The following ZNF90 variants were observed in gnomAD, a reference collection of about 807,000 sequenced individuals.
ZNF90 encodes the protein zinc finger protein 90.
Under a neutral mutation model 12.0 loss-of-function variants are expected in ZNF90, and 11 were observed. The observed-to-expected ratio is 0.92, with a 90% confidence interval of 0.58 to 1.52. The LOEUF (loss-of-function observed/expected upper bound fraction) is 1.52, where lower values mean the gene tolerates loss of function less well. Among genes scored for constraint, ZNF90 ranks in the 40% most tolerant of loss-of-function variants. The pLI, the probability that ZNF90 is intolerant of heterozygous loss-of-function variation, is 0.00. For synonymous variants in ZNF90, 232 were observed against 240.1 expected, an observed-to-expected ratio of 0.97 and a Z score of 0.31; for missense variants, 765 against 711.5, an observed-to-expected ratio of 1.08 and a Z score of -0.86.
At chr19:20,082,015 C>T (rs2088824196) in intron 1 of ZNF90, among the ~76,000 whole-genome samples, 3 of 152,098 alleles carry the variant, frequency 2.0e-5, no homozygotes, top group Middle Eastern at 3.4e-3. Flanking sequence ...CCACCCGCCT[C>T]GGCCTCCTAA....
Position 20,118,060 on chromosome 19 carries a change from G to GA in ZNF90, c.513dup (p.Pro172ThrfsTer21), listed in dbSNP as rs782729171. ...AACAGACATAAGATAAGAGATACTGGAAAAAAACCTTTCAAATGTATAGAA... is the reference window on the plus strand; with the variant it reads ...AACAGACATAAGATAAGAGATACTGGAAAAAAAACCTTTCAAATGTATAGAA... On this transcript the variant is annotated frameshift_variant, in exon 4 of 4. Coordinates refer to ENST00000418063, the MANE Select transcript of ZNF90 (RefSeq NM_007138.2). LOFTEE classifies it low-confidence loss of function (END_TRUNC). 11 of 1,612,632 alleles carry GA rather than the reference G, an allele frequency of 6.8e-6. No homozygotes were observed. The highest frequency in any genetic ancestry group is 5.3e-5 in the African/African-American group (4 of 75,006).
At chr19:20,117,622 A>T (rs1555705828) in intron 3 of ZNF90, 159 bp from the exon 4 acceptor site, 1 of 984,644 alleles carries the variant, frequency 1.0e-6, no homozygotes. Flanking sequence ...TGTAACCTGT[A>T]TTTATCAGAA....
At chr19:20,083,259 C>T (rs574760876) in intron 1 of ZNF90, among the ~76,000 whole-genome samples, 20 of 152,166 alleles carry the variant, frequency 1.3e-4, no homozygotes, top group East Asian at 9.6e-4. Flanking sequence ...TAGTCCCACC[C>T]GATGAGAAAT....
intron 2 of ZNF90, among the ~76,000 whole-genome samples, chr19:20,105,007 A>G (rs1186617065): frequency 2.6e-5 from 4 of 151,928 alleles, no homozygotes; most frequent in Non-Finnish European, 4.4e-5. Context: ...AACAAAAAAC[A>G]AACAAAAAAC....
rs782239895 is a variant in ZNF90, at chr19:20,118,490, C to G, written c.936C>G (p.Pro312=). 1.3e-5 allele frequency: 21 copies of G among 1,613,256 alleles called. No individual in the cohort carries two copies. The highest frequency in any genetic ancestry group is 1.4e-5 in the Non-Finnish European group (16 of 1,179,858). The part of the protein sequence containing the change: ...VHKISHTEEK[P]YKCEECGKAF... Reference sequence around the variant, plus strand: ...AGATAAGTCATACTGAAGAGAAACCCTACAAATGTGAAGAATGTGGCAAAG... The same window carrying G: ...AGATAAGTCATACTGAAGAGAAACCGTACAAATGTGAAGAATGTGGCAAAG... The change falls in exon 4 of 4, where the codon CCC becomes CCG. Residue 312 remains proline, a synonymous_variant. Transcript: ENST00000418063.
rs148071026 is a variant in ZNF90, at chr19:20,117,554, A to C, written c.227-227A>C. 2.3e-4 allele frequency: 222 copies of C among 981,044 alleles called. No homozygotes were observed. The African/African-American group carries it at 3.7e-3, about 16-fold the overall frequency. The allele number at this position is 981,044 out of a possible 1,614,324, so 60.8% of individuals were successfully genotyped here. On this transcript the variant is annotated intron_variant, in intron 3 of 3. Transcript: ENST00000418063. ...CCAGGCTCAAGCAATTCTCTGCCTC[A>C]GCTTCCCAAGTAGCTGGGATTTGCC... is the stretch of plus-strand genomic sequence containing the variant.
chr19:20,114,657 C>T (rs2089120626), intron 3 of ZNF90, among the ~76,000 whole-genome samples: 1 of 151,948 alleles, frequency 6.6e-6, no homozygotes, highest in South Asian at 2.1e-4. Flanking sequence ...CTATTTTCAG[C>T]TTTAAAAAAT....
chr19:20,110,341 T>C (rs189748616), intron 3 of ZNF90, among the ~76,000 whole-genome samples: 38 of 152,118 alleles, frequency 2.5e-4, no homozygotes, highest in African/African-American at 6.3e-4. Flanking sequence ...TGCAGTGGTG[T>C]GATCTTGGCT....
intron 1 of ZNF90, among the ~76,000 whole-genome samples, chr19:20,103,783 G>T (rs1219595660): frequency 6.6e-6 from 1 of 151,112 alleles, no homozygotes; most frequent in Non-Finnish European, 1.5e-5. Context: ...GAGCTTGTTA[G>T]AAATTCAAAA....
intron 1 of ZNF90, among the ~76,000 whole-genome samples, chr19:20,083,562 G>C (rs909004976): frequency 6.6e-6 from 1 of 152,048 alleles, no homozygotes; most frequent in Non-Finnish European, 1.5e-5. Flanking sequence ...CCCGACCTCA[G>C]GTGATTATCC....
At chr19:20,085,302 G>A (rs1020663960) in intron 1 of ZNF90, among the ~76,000 whole-genome samples, 4 of 101,316 alleles carry the variant, frequency 3.9e-5, no homozygotes, top group South Asian at 3.2e-4. Context: ...CTCTTTGGCC[G>A]AGACTGGAGT....
chr19:20,109,519 TA>T (rs1555704812), intron 3 of ZNF90, among the ~76,000 whole-genome samples: 1 of 152,184 alleles, frequency 6.6e-6, no homozygotes, highest in African/African-American at 2.4e-5. Flanking sequence ...AATTTTTCTT[TA>T]AAAGCATTGT....
intron 2 of ZNF90, 71 bp from the exon 3 acceptor site, chr19:20,105,147 TCTG>T: frequency 8.9e-7 from 1 of 1,127,488 alleles, no homozygotes; most frequent in Non-Finnish European, 1.2e-6. Context: ...TCACATCTTC[TCTG>T]CTGAGCACAG....
chr19:20,085,288 C>T (rs893451963), intron 1 of ZNF90, among the ~76,000 whole-genome samples: 1 of 51,050 alleles, frequency 2.0e-5, no homozygotes, highest in Non-Finnish European at 3.5e-5. Flanking sequence ...TAGACGGAGT[C>T]TCGCTCTTTG....
intron 1 of ZNF90, among the ~76,000 whole-genome samples, chr19:20,101,727 A>G (rs2088991731): frequency 6.6e-6 from 1 of 152,166 alleles, no homozygotes; most frequent in Non-Finnish European, 1.5e-5. Context: ...TCTCCAGAGA[A>G]TGTCATTTGA....
intron 3 of ZNF90, among the ~76,000 whole-genome samples, chr19:20,108,876 C>T (rs911074200): frequency 6.6e-6 from 1 of 151,628 alleles, no homozygotes; most frequent in African/African-American, 2.4e-5. Context: ...ACAGGCGTGC[C>T]ACCACAACTG....
chr19:20,107,553 C>A (rs2089050613), intron 3 of ZNF90, among the ~76,000 whole-genome samples: 1 of 152,186 alleles, frequency 6.6e-6, no homozygotes, highest in Non-Finnish European at 1.5e-5. Context: ...TGAAGCAGTT[C>A]TGTAACCTTA....
At chr19:20,106,053 T>A (rs1218980463) in intron 3 of ZNF90, among the ~76,000 whole-genome samples, 4 of 148,266 alleles carry the variant, frequency 2.7e-5, no homozygotes, top group Admixed American at 6.7e-5. Flanking sequence ...TCTTTTTTTT[T>A]TTTTTTTTTT....
chr19:20,105,777 A>G (rs2089030894), intron 3 of ZNF90, among the ~76,000 whole-genome samples: 1 of 152,158 alleles, frequency 6.6e-6, no homozygotes, highest in Non-Finnish European at 1.5e-5. Flanking sequence ...ATAGTCTTAA[A>G]ATATCATTTG....
Sources: gnomAD v4.1 joint callset for allele counts (sites outside exome capture counted in the v4.1 genomes callset) on GRCh38, gnomAD v4.1.1 for gene constraint, MANE v1.5 for transcripts, NCBI Gene and HGNC (gene_info 2026-07-23, HGNC 2026-07-21) for gene names.